The following UGT2A2 variants were observed in gnomAD, a reference collection of about 807,000 sequenced individuals.
The protein encoded by UGT2A2 is UDP-glucuronosyltransferase 2A2.
Under a neutral mutation model 50.7 loss-of-function variants are expected in UGT2A2, and 60 were observed. The observed-to-expected ratio is 1.18, with a 90% CI of 0.96 to 1.47. The LOEUF (loss-of-function observed/expected upper bound fraction) is 1.47, where lower values mean the gene tolerates loss of function less well. UGT2A2 is among the 40% of genes most tolerant of loss of function. UGT2A2 has a pLI of 0.00. For missense variants in UGT2A2, 762 were observed against 634.0 expected (o/e 1.20, Z -2.17); for synonymous variants, 242 against 214.6 (o/e 1.13, Z -1.11).
At chr4:69,632,672 A>G (rs113441560) in intron 1 of UGT2A2, among the ~76,000 whole-genome samples, 5,063 of 152,062 alleles carry the variant, frequency 0.033, 289 homozygotes, top group African/African-American at 0.11. Flanking sequence ...GGCAGATCAC[A>G]AAGTCAAGAG....
chr4:69,623,374 T>C (rs1023833895), intron 1 of UGT2A2, among the ~76,000 whole-genome samples: 3 of 151,718 alleles, frequency 2.0e-5, no homozygotes, highest in African/African-American at 7.3e-5. Flanking sequence ...GTAATTTTTG[T>C]GAGAATCATC....
intron 1 of UGT2A2, chr4:69,635,966 A>G (rs1721680827): frequency 6.6e-6 from 1 of 152,018 alleles, no homozygotes. Context: ...AGTGATTTTC[A>G]TAATTCCTGA....
chr4:69,598,089 T>A (rs1376742260), intron 2 of UGT2A2, among the ~76,000 whole-genome samples: 1 of 152,150 alleles, frequency 6.6e-6, no homozygotes, highest in East Asian at 1.9e-4. Flanking sequence ...CATGAATATT[T>A]CTGTGTCTTT....
intron 1 of UGT2A2, among the ~76,000 whole-genome samples, chr4:69,621,765 C>T (rs1461466237): frequency 1.3e-5 from 2 of 151,718 alleles, no homozygotes; most frequent in Non-Finnish European, 1.5e-5. Context: ...TGCCTATCAA[C>T]GACAGATTGG....
At chr4:69,629,525 G>A (rs1246141490) in intron 1 of UGT2A2, among the ~76,000 whole-genome samples, 1 of 152,004 alleles carries the variant, frequency 6.6e-6, no homozygotes, top group Admixed American at 6.6e-5. Context: ...TGCTCTGAGG[G>A]TCTGGAGTCT....
chr4:69,599,908 G>A (rs10033801), intron 1 of UGT2A2: 98,365 of 152,552 alleles, frequency 0.64, 32,078 homozygotes, highest in East Asian at 0.74. Context: ...TCTCTCTTCA[G>A]TTAAATGCCA....
At chr4:69,638,595 T>C (rs9992698) in intron 1 of UGT2A2, among the ~76,000 whole-genome samples, 57,432 of 151,964 alleles carry the variant, frequency 0.38, 11,280 homozygotes, top group East Asian at 0.6. Context: ...TCAGTAGTGT[T>C]ATAATGTATC....
chr4:69,618,150 A>G (rs1324168770), intron 1 of UGT2A2, among the ~76,000 whole-genome samples: 1 of 151,498 alleles, frequency 6.6e-6, no homozygotes, highest in Non-Finnish European at 1.5e-5. Context: ...TAATTCTATG[A>G]GAAAATATTA....
At chr4:69,621,832 A>G (rs988031945) in intron 1 of UGT2A2, among the ~76,000 whole-genome samples, 2 of 151,912 alleles carry the variant, frequency 1.3e-5, no homozygotes, top group Admixed American at 1.3e-4. Flanking sequence ...TAAAAAGGAA[A>G]GAGAACATGT....
chr4:69,612,017 A>G (rs1157803547), intron 1 of UGT2A2, among the ~76,000 whole-genome samples: 1 of 152,094 alleles, frequency 6.6e-6, no homozygotes, highest in East Asian at 1.9e-4. Flanking sequence ...CTCAGAATTA[A>G]CATAGTCAGC....
In UGT2A2 at chr4:69,596,230, G is replaced by A. The variant is rs999261374; in HGVS notation, c.1023+20C>T. ...CCCATTAGTAAAAAGCTGTGTACCA[G>A]GATTCCAGGCTGTACTGACCTTCTG... On this transcript the variant is annotated intron_variant, in intron 3 of 5. Coordinates refer to ENST00000604629, the MANE Select transcript of UGT2A2 (RefSeq NM_001105677.2). 1 of 1,492,252 alleles carries A rather than the reference G, an allele frequency of 6.7e-7. No individual in the cohort carries two copies. The highest frequency in any genetic ancestry group is 2.2e-5 in the Admixed American group (1 of 44,608). 92.4% of individuals were successfully genotyped at this position (1,492,252 alleles called of 1,614,324 possible).
At chr4:69,598,691 C>G (rs995739793) in intron 2 of UGT2A2, among the ~76,000 whole-genome samples, 1 of 152,054 alleles carries the variant, frequency 6.6e-6, no homozygotes, top group African/African-American at 2.4e-5. Context: ...ACTAAACTCA[C>G]CATTGTCAAC....
chr4:69,619,571 A>C (rs1325641018), intron 1 of UGT2A2, among the ~76,000 whole-genome samples: 1 of 152,034 alleles, frequency 6.6e-6, no homozygotes, highest in African/African-American at 2.4e-5. Context: ...CTAACATAAA[A>C]GGAATATAAT....
chr4:69,601,956 C>T (rs1166121408), intron 1 of UGT2A2, among the ~76,000 whole-genome samples: 1 of 136,424 alleles, frequency 7.3e-6, no homozygotes, highest in African/African-American at 3.0e-5. Flanking sequence ...TAGAGTAAAA[C>T]TAAGACAACT....
intron 1 of UGT2A2, among the ~76,000 whole-genome samples, chr4:69,615,157 C>T (rs72853645): frequency 0.013 from 1,965 of 152,040 alleles, 35 homozygotes; most frequent in African/African-American, 0.045. Context: ...GGAGACAAAC[C>T]ATATCAATCT....
In UGT2A2 at chr4:69,589,344, AAT is replaced by A; in HGVS notation, c.*26_*27del. ...TACTCAGGATTTTGCCAAACTTAAA[AAT>A]ATATATATTTCCTCTTTTTCTTGAC... On this transcript the variant is annotated 3_prime_UTR_variant, in exon 6 of 6. Coordinates refer to ENST00000604629, the MANE Select transcript of UGT2A2 (RefSeq NM_001105677.2). 6.4e-7 allele frequency: 1 copy of A among 1,569,998 alleles called. No individual in the cohort carries two copies. Among genetic ancestry groups the A allele is most frequent in the Non-Finnish European group, 8.6e-7 (1 of 1,159,396 alleles).
intron 1 of UGT2A2, among the ~76,000 whole-genome samples, chr4:69,620,477 A>C (rs1038270814): frequency 6.6e-6 from 1 of 151,078 alleles, no homozygotes; most frequent in Non-Finnish European, 1.5e-5. Flanking sequence ...AAGAAATCAG[A>C]GATGACACAA....
rs1324368610 is a variant in UGT2A2 at position 69,595,145 on chromosome 4, T to C, written c.1111+17A>G. On this transcript the variant is annotated intron_variant, in intron 4 of 5. Transcript: ENST00000604629. ...CTATTGTCCCACTGTACAGCTTTTC[T>C]TTCCCCACAGTCTTACCAAGAAGAT... 1 of 1,613,770 alleles carries C rather than the reference T, an allele frequency of 6.2e-7. No homozygotes were observed. The highest frequency in any genetic ancestry group is 2.2e-5 in the East Asian group (1 of 44,794).
rs1396486729 is a variant in UGT2A2, at chr4:69,604,384, A to G, written c.743-4990T>C. Among the ~76,000 whole-genome samples, 6 of 136,812 alleles carry G rather than the reference A, an allele frequency of 4.4e-5. 1 individual carries two copies. Among genetic ancestry groups the G allele is most frequent in the African/African-American group, 1.8e-4 (6 of 33,802 alleles). 89.8% of individuals were successfully genotyped at this position (136,812 alleles called of 152,430 possible). A position where few individuals can be genotyped will look rare whatever the true frequency, so the allele number is the denominator to read the frequency against. ...CAAGCAAATGCTGAGAGATTTTGTCACCACCAGGCCCGCCCTAAAAGAGCT... is the reference window on the plus strand; with the variant it reads ...CAAGCAAATGCTGAGAGATTTTGTCGCCACCAGGCCCGCCCTAAAAGAGCT... On this transcript the variant is annotated intron_variant, in intron 1 of 5. Transcript: ENST00000604629.
Sources: allele counts gnomAD v4.1 joint callset (sites outside exome capture counted in the v4.1 genomes callset), GRCh38; gene constraint gnomAD v4.1.1; transcripts MANE v1.5; gene names NCBI Gene and HGNC (gene_info 2026-07-23, HGNC 2026-07-21).